Variants in RASAL2 observed in about 807,000 individuals in gnomAD.
The protein encoded by RASAL2 is RAS protein activator like 2.
Under a neutral mutation model 128.9 loss-of-function variants are expected in RASAL2, and 58 were observed. The ratio of observed to expected loss-of-function variants is 0.45; its 90% CI spans 0.36 to 0.56. The LOEUF (loss-of-function observed/expected upper bound fraction) is 0.56. RASAL2 is among the 20% of genes least tolerant of loss of function. RASAL2 has a pLI of 0.00. For missense variants in RASAL2, 1,360 were observed against 1,601.6 expected (o/e 0.85, Z 2.57); for synonymous variants, 561 against 580.8 (o/e 0.97, Z 0.49).
intron 1 of RASAL2, among the ~76,000 whole-genome samples, chr1:178,248,183 A>G (rs1179759423): frequency 5.9e-5 from 9 of 152,142 alleles, no homozygotes; most frequent in East Asian, 1.9e-4. Context: ...AAAATCTCCA[A>G]CTATTATTGT....
intron 1 of RASAL2, among the ~76,000 whole-genome samples, chr1:178,248,653 T>C (rs537731154): frequency 6.6e-6 from 1 of 152,172 alleles, no homozygotes; most frequent in Non-Finnish European, 1.5e-5. Context: ...TTCTTTATAT[T>C]TTGTTATGTT....
intron 3 of RASAL2, among the ~76,000 whole-genome samples, chr1:178,322,118 C>A (rs1668820145): frequency 6.6e-6 from 1 of 152,064 alleles, no homozygotes; most frequent in African/African-American, 2.4e-5. Context: ...CAGGTACAAG[C>A]CACTGCATCT....
At chr1:178,282,536 A>G (rs1444011880) in intron 1 of RASAL2, among the ~76,000 whole-genome samples, 1 of 152,180 alleles carries the variant, frequency 6.6e-6, no homozygotes, top group African/African-American at 2.4e-5. Context: ...GTGACAAAAG[A>G]CAAAAATTTT....
At chr1:178,104,419 A>G (rs970565940) in intron 1 of RASAL2, among the ~76,000 whole-genome samples, 1 of 152,160 alleles carries the variant, frequency 6.6e-6, no homozygotes, top group Admixed American at 6.5e-5. Flanking sequence ...ACATTATTTA[A>G]CCATTATTCT....
At chr1:178,105,317 T>C (rs2102231148) in intron 1 of RASAL2, among the ~76,000 whole-genome samples, 1 of 152,298 alleles carries the variant, frequency 6.6e-6, no homozygotes, top group South Asian at 2.1e-4. Context: ...GTTAACAAAG[T>C]TAACCAAATT....
chr1:178,260,343 C>A, intron 1 of RASAL2, among the ~76,000 whole-genome samples: 1 of 22,550 alleles, frequency 4.4e-5, no homozygotes. Context: ...CAGAGCGAGA[C>A]TCGTCTCAAA....
intron 3 of RASAL2, among the ~76,000 whole-genome samples, chr1:178,380,359 T>G (rs965648303): frequency 6.6e-6 from 1 of 152,088 alleles, no homozygotes; most frequent in African/African-American, 2.4e-5. Context: ...AAATAACAAT[T>G]TAATATACAT....
At chr1:178,102,182 G>C (rs1658925104) in intron 1 of RASAL2, among the ~76,000 whole-genome samples, 1 of 152,012 alleles carries the variant, frequency 6.6e-6, no homozygotes, top group Non-Finnish European at 1.5e-5. Context: ...TCTAACCTCT[G>C]ATTCCTGTCA....
chr1:178,350,587 T>C (rs959237932), intron 3 of RASAL2, among the ~76,000 whole-genome samples: 2 of 152,104 alleles, frequency 1.3e-5, no homozygotes, highest in Non-Finnish European at 2.9e-5. Flanking sequence ...GGTTCTCTGC[T>C]CAGGGCCAAA....
At chr1:178,463,803 T>A (rs1410957283) in intron 14 of RASAL2, among the ~76,000 whole-genome samples, 2 of 152,234 alleles carry the variant, frequency 1.3e-5, no homozygotes, top group Non-Finnish European at 2.9e-5. Context: ...TTTGTGAGTT[T>A]GTTTAGCACT....
chr1:178,202,757 C>G (rs757377381), intron 1 of RASAL2, among the ~76,000 whole-genome samples: 1 of 152,152 alleles, frequency 6.6e-6, no homozygotes, highest in African/African-American at 2.4e-5. Flanking sequence ...AAAGGGTGAC[C>G]TTGGCAGAGG....
At chr1:178,112,409 G>A (rs1483591517) in intron 1 of RASAL2, among the ~76,000 whole-genome samples, 1 of 151,932 alleles carries the variant, frequency 6.6e-6, no homozygotes, top group Admixed American at 6.6e-5. Flanking sequence ...AGTTAGCTGG[G>A]CGTGGTGGTG....
chr1:178,278,849 T>TA (rs1330254674), intron 1 of RASAL2, among the ~76,000 whole-genome samples: 2 of 152,216 alleles, frequency 1.3e-5, no homozygotes, highest in Non-Finnish European at 2.9e-5. Context: ...TTTCCAGCTC[T>TA]ATCATATCAT....
intron 3 of RASAL2, among the ~76,000 whole-genome samples, chr1:178,366,324 A>G (rs1276671553): frequency 6.6e-6 from 1 of 151,622 alleles, no homozygotes; most frequent in East Asian, 1.9e-4. Context: ...TAAAGTTACT[A>G]AAAAATCTAC....
chr1:178,246,047 C>T (rs374889644), intron 1 of RASAL2, among the ~76,000 whole-genome samples: 4 of 152,272 alleles, frequency 2.6e-5, no homozygotes, highest in African/African-American at 9.6e-5. Flanking sequence ...CTTGGCTATA[C>T]AGGCTCTTGT....
At chr1:178,325,995 G>A (rs1255475526) in intron 3 of RASAL2, among the ~76,000 whole-genome samples, 2 of 152,124 alleles carry the variant, frequency 1.3e-5, no homozygotes, top group African/African-American at 4.8e-5. Context: ...GGAGGCAGAG[G>A]TGGGAGGATC....
At chr1:178,179,840 AC>A (rs2101926092) in intron 1 of RASAL2, among the ~76,000 whole-genome samples, 1 of 152,350 alleles carries the variant, frequency 6.6e-6, no homozygotes, top group Admixed American at 6.5e-5. Context: ...AAGCAGCTCA[AC>A]AAAGTAGCTA....
intron 1 of RASAL2, among the ~76,000 whole-genome samples, chr1:178,199,033 C>T (rs1662772803): frequency 6.6e-6 from 1 of 152,226 alleles, no homozygotes; most frequent in Non-Finnish European, 1.5e-5. Context: ...ACACCTCCTC[C>T]AGCCAGGCTG....
intron 1 of RASAL2, among the ~76,000 whole-genome samples, chr1:178,137,682 G>A (rs1314079546): frequency 6.6e-6 from 1 of 152,272 alleles, no homozygotes; most frequent in South Asian, 2.1e-4. Flanking sequence ...TCATTTCACA[G>A]AATGAAAAAT....
Sources: allele counts gnomAD v4.1 joint callset (sites outside exome capture counted in the v4.1 genomes callset), GRCh38; gene constraint gnomAD v4.1.1; transcripts MANE v1.5; gene names NCBI Gene and HGNC (gene_info 2026-07-23, HGNC 2026-07-21).